Variants in PLA2G4C observed in about 807,000 individuals in gnomAD.
PLA2G4C encodes cytosolic phospholipase A2 gamma.
In PLA2G4C, 64 loss-of-function variants were observed where a neutral mutation model predicts 73.8. That is an observed-to-expected ratio of 0.87 (90% confidence interval 0.71 to 1.07). PLA2G4C has a LOEUF of 1.07. Ranked by LOEUF, PLA2G4C falls within the 50% of genes least tolerant of loss-of-function variation. PLA2G4C has a pLI of 0.00. For synonymous variants in PLA2G4C, 254 were observed against 252.1 expected (o/e 1.01, Z -0.07); for missense variants, 622 against 665.4 (o/e 0.93, Z 0.72).
At chr19:48,061,945 T>C (rs1269334298) in intron 14 of PLA2G4C, 53 bp downstream of exon 14, 1 of 1,586,010 alleles carries the variant, frequency 6.3e-7, no homozygotes, top group African/African-American at 1.4e-5. Flanking sequence ...AAAGTCAGCT[T>C]CGCCGCAGCC....
At chr19:48,104,766 A>T (rs774346117) in intron 3 of PLA2G4C, 42 bp from the exon 4 acceptor site, 16 of 1,604,054 alleles carry the variant, frequency 1.0e-5, no homozygotes, top group African/African-American at 1.3e-5. Flanking sequence ...TTAGAGCCTG[A>T]GGATGGAGGT....
At chr19:48,094,393 C>T (rs1174820225) in intron 7 of PLA2G4C, among the ~76,000 whole-genome samples, 3 of 152,094 alleles carry the variant, frequency 2.0e-5, no homozygotes, top group Non-Finnish European at 2.9e-5. Context: ...TGACTGAATC[C>T]CCTGCATTTA....
At chr19:48,106,621 G>C in intron 1 of PLA2G4C, 60 bp from the exon 2 acceptor site, 2 of 1,382,810 alleles carry the variant, frequency 1.4e-6, no homozygotes, top group Admixed American at 1.7e-5. Flanking sequence ...CAAAGACAGT[G>C]GGGGAGGGCT....
intron 14 of PLA2G4C, 33 bp from the exon 15 acceptor site, chr19:48,055,082 A>G: frequency 6.4e-7 from 1 of 1,557,468 alleles, no homozygotes; most frequent in Non-Finnish European, 8.7e-7. Flanking sequence ...TGGTTGCAAG[A>G]CCTCTCCAGA....
chr19:48,084,965 AG>A, intron 10 of PLA2G4C, 93 bp downstream of exon 10: 1 of 859,726 alleles, frequency 1.2e-6, no homozygotes, highest in Admixed American at 1.8e-5. Flanking sequence ...CATTATACAC[AG>A]GCCTCTTTTC....
intron 7 of PLA2G4C, among the ~76,000 whole-genome samples, chr19:48,092,211 G>A (rs145909836): frequency 0.012 from 1,832 of 152,098 alleles, 41 homozygotes; most frequent in African/African-American, 0.042. Context: ...CACCATGCCC[G>A]GCTAATTTTG....
At chr19:48,097,559 G>T (rs251688) in intron 6 of PLA2G4C, among the ~76,000 whole-genome samples, 98,589 of 151,070 alleles carry the variant, frequency 0.65, 33,023 homozygotes, top group African/African-American at 0.8. Flanking sequence ...GCCCCTTTTT[G>T]TCTTTTGTCC....
At position 48,105,908 on chromosome 19, in the gene PLA2G4C, TCCCTCCCTCCCTCCC is replaced by T. The variant is rs2032182328; in HGVS notation, c.9-479_9-465del. ...TTCTTTCCCTCCCTCCCTCCCTCCCTCCCTCCCTCCCTCCCTCCCTCCCTCCCTCCCTCCCTCCCT... is the reference window on the plus strand; with the variant it reads ...TTCTTTCCCTCCCTCCCTCCCTCCCTTCCCTCCCTCCCTCCCTCCCTCCCT... On this transcript the variant is annotated intron_variant, in intron 2 of 16. Transcript: ENST00000599921. 1.3e-3 allele frequency among the ~76,000 whole-genome samples: 6 copies of T among 4,470 alleles called. No homozygotes were observed. The African/African-American group carries it at 0.017, about 13-fold the overall frequency. The allele number at this position is 4,470 out of a possible 152,430, so 2.9% of individuals were successfully genotyped here.
intron 16 of PLA2G4C, among the ~76,000 whole-genome samples, chr19:48,050,761 G>A (rs1422894243): frequency 7.1e-6 from 1 of 140,668 alleles, no homozygotes; most frequent in Non-Finnish European, 1.5e-5. Flanking sequence ...TGCAACCTCT[G>A]CTCCCCAGGG....
At chr19:48,081,261 TA>T (rs2030545504) in intron 10 of PLA2G4C, among the ~76,000 whole-genome samples, 1 of 152,008 alleles carries the variant, frequency 6.6e-6, no homozygotes, top group Non-Finnish European at 1.5e-5. Flanking sequence ...GACTCAGCCA[TA>T]AAAAAGAATA....
At position 48,080,318 on chromosome 19, in the gene PLA2G4C, C is replaced by A. The variant is rs977828855; in HGVS notation, c.845-2494G>T. On this transcript the variant is annotated intron_variant, in intron 10 of 16. Coordinates refer to ENST00000599921, the MANE Select transcript of PLA2G4C (RefSeq NM_003706.3). ...ACAAGAATGGCCATTGATAAAAATT[C>A]AAAAAAAACCATAGACGTTGGTGTG... 4.6e-4 allele frequency among the ~76,000 whole-genome samples: 70 copies of A among 151,778 alleles called. 1 individual carries two copies. Among genetic ancestry groups the A allele is most frequent in the African/African-American group, 9.7e-4 (40 of 41,388 alleles).
At position 48,085,106 on chromosome 19, in the gene PLA2G4C, C is replaced by G. The variant is rs1177811184; in HGVS notation, c.797G>C (p.Trp266Ser). Reference protein sequence around the residue: ...QLRNLTLKGLWRRAVANAKSI... With the variant: ...QLRNLTLKGLSRRAVANAKSI... ...TTTAGCATTAGCAACAGCCCTTCTC[C>G]ATAAACCTGCCAAGAAAATAGCAAT... Residue 266 changes from tryptophan to serine, a missense_variant, in exon 10 of 17, where the codon TGG becomes TCG. Trp to Ser is a radical substitution (Grantham distance 177). Coordinates refer to ENST00000599921, the MANE Select transcript of PLA2G4C (RefSeq NM_003706.3). The G allele has an allele frequency of 2.5e-6, 4 of 1,610,200 alleles. No individual in the cohort carries two copies. The highest frequency in any genetic ancestry group is 3.4e-6 in the Non-Finnish European group (4 of 1,176,432).
At chr19:48,088,838 GC>G in intron 8 of PLA2G4C, 126 bp from the exon 9 acceptor site, 2 of 752,014 alleles carry the variant, frequency 2.7e-6, no homozygotes, top group Non-Finnish European at 4.7e-6. Context: ...GGCTCCAATG[GC>G]AGCCAATGGC....
intron 9 of PLA2G4C, among the ~76,000 whole-genome samples, chr19:48,087,437 A>C (rs1177191186): frequency 6.6e-6 from 1 of 152,154 alleles, no homozygotes; most frequent in Non-Finnish European, 1.5e-5. Context: ...CCACAGGAGG[A>C]GCCCCTCTAG....
At chr19:48,096,686 C>G (rs760621369) in intron 6 of PLA2G4C, 2 of 152,196 alleles carry the variant, frequency 1.3e-5, no homozygotes, top group Non-Finnish European at 1.5e-5. Context: ...CCTGATGTAT[C>G]GTGAGAACTT....
chr19:48,057,474 CTTCTTCTTCTTTTTTTTTT>C (rs1487692606), intron 14 of PLA2G4C, among the ~76,000 whole-genome samples: 2 of 16,846 alleles, frequency 1.2e-4, no homozygotes, highest in African/African-American at 2.2e-4. Flanking sequence ...TCTTCTTCTT[CTTCTTCTTCTTTTTTTTTT>C]TTTTTTTTTT....
At chr19:48,109,988 G>A (rs1845434737) in intron 1 of PLA2G4C, among the ~76,000 whole-genome samples, 1 of 151,458 alleles carries the variant, frequency 6.6e-6, no homozygotes, top group Non-Finnish European at 1.5e-5. Flanking sequence ...CTCTGCAAGA[G>A]GCTTCAGGAG....
chr19:48,106,435 C>T, intron 2 of PLA2G4C, 87 bp downstream of exon 2: 1 of 1,035,588 alleles, frequency 9.7e-7, no homozygotes, highest in Non-Finnish European at 1.5e-6. Context: ...GAGGAACTGT[C>T]ACAGCCCTCA....
At chr19:48,082,140 G>C (rs2030613990) in intron 10 of PLA2G4C, among the ~76,000 whole-genome samples, 1 of 151,616 alleles carries the variant, frequency 6.6e-6, no homozygotes, top group African/African-American at 2.4e-5. Context: ...ACACTGATGG[G>C]TGGACTACAG....
Sources: gnomAD v4.1 joint callset for allele counts (sites outside exome capture counted in the v4.1 genomes callset) on GRCh38, gnomAD v4.1.1 for gene constraint, MANE v1.5 for transcripts, NCBI Gene and HGNC (gene_info 2026-07-23, HGNC 2026-07-21) for gene names.